The following EPC1 variants were observed in gnomAD, a reference collection of about 807,000 sequenced individuals.
The protein encoded by EPC1 is enhancer of polycomb 1.
In EPC1, 12 loss-of-function variants were observed where a neutral mutation model predicts 98.4. The ratio of observed to expected loss-of-function variants is 0.12; its 90% confidence interval spans 0.08 to 0.20. The LOEUF (loss-of-function observed/expected upper bound fraction) is 0.20. Ranked by LOEUF, EPC1 falls within the 10% of genes least tolerant of loss-of-function variation. The pLI is 1.00. For synonymous variants in EPC1, 357 were observed against 363.9 expected, an observed-to-expected ratio of 0.98 and a Z score of 0.21; for missense variants, 729 against 990.5, an observed-to-expected ratio of 0.74 and a Z score of 3.54.
intron 1 of EPC1, among the ~76,000 whole-genome samples, chr10:32,320,970 T>C (rs1177364412): frequency 5.3e-5 from 8 of 152,182 alleles, no homozygotes; most frequent in African/African-American, 4.8e-5. Context: ...CCACAATATA[T>C]GTCATCAATT....
chr10:32,297,333 G>A (rs921457814), intron 2 of EPC1, among the ~76,000 whole-genome samples: 3 of 148,870 alleles, frequency 2.0e-5, no homozygotes, highest in Non-Finnish European at 4.4e-5. Flanking sequence ...CCAGGCTGGA[G>A]TGCAATGCTG....
chr10:32,306,378 T>C (rs1267173103), intron 1 of EPC1, among the ~76,000 whole-genome samples: 4 of 152,204 alleles, frequency 2.6e-5, no homozygotes, highest in Non-Finnish European at 4.4e-5. Context: ...TAAATATGGT[T>C]TCTTCAAAGA....
At chr10:32,279,073 G>T (rs1276149336) in intron 10 of EPC1, among the ~76,000 whole-genome samples, 1 of 152,132 alleles carries the variant, frequency 6.6e-6, no homozygotes, top group African/African-American at 2.4e-5. Flanking sequence ...TTCTGAGGCT[G>T]GGCGCAGTGG....
At chr10:32,327,307 A>G (rs2037932422) in intron 1 of EPC1, among the ~76,000 whole-genome samples, 1 of 152,194 alleles carries the variant, frequency 6.6e-6, no homozygotes, top group Non-Finnish European at 1.5e-5. Flanking sequence ...TGGGGATATC[A>G]GGAGGGACGG....
At chr10:32,339,469 T>C (rs1374307829) in intron 1 of EPC1, among the ~76,000 whole-genome samples, 1 of 152,050 alleles carries the variant, frequency 6.6e-6, no homozygotes, top group Non-Finnish European at 1.5e-5. Context: ...CGCTTGAATC[T>C]GGGAGGTGGA....
chr10:32,304,918 TAAAA>T (rs11351207), intron 2 of EPC1, among the ~76,000 whole-genome samples: 4 of 119,446 alleles, frequency 3.3e-5, no homozygotes, highest in Non-Finnish European at 7.0e-5. Flanking sequence ...AACTCCGTCT[TAAAA>T]AAAAAAAAAA....
intron 2 of EPC1, among the ~76,000 whole-genome samples, chr10:32,298,083 C>A (rs543500704): frequency 1.4e-4 from 21 of 152,298 alleles, no homozygotes; most frequent in Non-Finnish European, 2.9e-4. Context: ...AGGCGTGAGC[C>A]ACCGCGCCTG....
intron 2 of EPC1, among the ~76,000 whole-genome samples, chr10:32,296,608 C>T (rs1459615539): frequency 6.6e-6 from 1 of 152,132 alleles, no homozygotes; most frequent in African/African-American, 2.4e-5. Flanking sequence ...AGTGCAAACT[C>T]ATATAAAATC....
chr10:32,370,091 A>C (rs887977491), intron 1 of EPC1, among the ~76,000 whole-genome samples: 6 of 152,150 alleles, frequency 3.9e-5, no homozygotes, highest in Non-Finnish European at 8.8e-5. Context: ...TAAAAACTGG[A>C]ATTAACTTCT....
At chr10:32,374,011 G>C (rs1839820684) in intron 1 of EPC1, among the ~76,000 whole-genome samples, 1 of 152,050 alleles carries the variant, frequency 6.6e-6, no homozygotes. Context: ...TTATTCCTGA[G>C]ATCATCTTAA....
chr10:32,372,354 A>G (rs1839773391), intron 1 of EPC1, among the ~76,000 whole-genome samples: 2 of 152,212 alleles, frequency 1.3e-5, no homozygotes, highest in South Asian at 2.1e-4. Context: ...CATATATGCC[A>G]AAGTTATAAA....
chr10:32,320,087 CAA>C (rs1397858926), intron 1 of EPC1, among the ~76,000 whole-genome samples: 2 of 151,968 alleles, frequency 1.3e-5, no homozygotes, highest in African/African-American at 4.8e-5. Context: ...GCAAATAGGG[CAA>C]AGTGTTAACA....
intron 1 of EPC1, among the ~76,000 whole-genome samples, chr10:32,328,794 C>G (rs1717708113): frequency 6.6e-6 from 1 of 152,184 alleles, no homozygotes; most frequent in Non-Finnish European, 1.5e-5. Flanking sequence ...TTCTGTTATA[C>G]ACATGGAAGT....
rs12260405 is a variant in EPC1, at chr10:32,300,398, G to A, written c.313+5374C>T. The stretch of plus-strand genomic sequence containing the variant: ...TCCTAATGCTTTCCCTCCCGCCCCC[G>A]CTCCTGCATTTTTTCTATAGTGTAT... On this transcript the variant is annotated intron_variant, in intron 2 of 13. Coordinates refer to ENST00000319778, the MANE Select transcript of EPC1 (RefSeq NM_001272004.3). Among the ~76,000 whole-genome samples the A allele has an allele frequency of 6.9e-5, 10 of 144,836 alleles. No individual in the cohort carries two copies. The East Asian group carries it at 1.2e-3, about 17-fold the overall frequency.
upstream of EPC1, among the ~76,000 whole-genome samples, chr10:32,351,599 A>G (rs1469730729): frequency 6.6e-6 from 1 of 150,590 alleles, no homozygotes; most frequent in East Asian, 2.0e-4. Flanking sequence ...TGGAGGTTGC[A>G]GTGAGCCGAG....
chr10:32,295,428 T>G (rs1835095433), intron 2 of EPC1, among the ~76,000 whole-genome samples: 1 of 152,196 alleles, frequency 6.6e-6, no homozygotes, highest in Admixed American at 6.5e-5. Flanking sequence ...TTATTTTTTA[T>G]TTTGACCTAT....
intron 1 of EPC1, among the ~76,000 whole-genome samples, chr10:32,353,298 G>A (rs1028608279): frequency 1.3e-5 from 2 of 152,174 alleles, no homozygotes; most frequent in Admixed American, 1.3e-4. Flanking sequence ...GAGAGAGAAA[G>A]GGGTAGCTAT....
At chr10:32,345,461 T>C (rs555246290) in intron 1 of EPC1, 7 of 985,398 alleles carry the variant, frequency 7.1e-6, no homozygotes, top group South Asian at 4.7e-5. Flanking sequence ...AGAGAAGTAT[T>C]ACAGTACAAT....
At chr10:32,273,603 A>G (rs1046904645) in intron 10 of EPC1, among the ~76,000 whole-genome samples, 1 of 152,214 alleles carries the variant, frequency 6.6e-6, no homozygotes, top group East Asian at 1.9e-4. Context: ...TAGAAAGATA[A>G]TATCAGCTTT....
Sources: allele counts gnomAD v4.1 joint callset (sites outside exome capture counted in the v4.1 genomes callset), GRCh38; gene constraint gnomAD v4.1.1; transcripts MANE v1.5; gene names NCBI Gene and HGNC (gene_info 2026-07-23, HGNC 2026-07-21).